The following OPHN1 variants were observed in gnomAD, a reference collection of about 807,000 sequenced individuals.
OPHN1 encodes the protein oligophrenin-1.
A neutral mutation model predicts 60.7 loss-of-function variants in OPHN1; 11 were observed. The ratio of observed to expected loss-of-function variants is 0.18; its 90% confidence interval spans 0.11 to 0.30. OPHN1 has a LOEUF of 0.30. OPHN1 is among the 10% of genes least tolerant of loss of function. OPHN1 has a pLI of 1.00. For missense variants in OPHN1, 449 were observed against 611.0 expected, an observed-to-expected ratio of 0.73 and a Z score of 2.80; for synonymous variants, 226 against 222.6, an observed-to-expected ratio of 1.02 and a Z score of -0.14.
chrX:68,131,458 C>T (rs2147461263), intron 15 of OPHN1, among the ~76,000 whole-genome samples: 1 of 110,705 alleles, frequency 9.0e-6, no homozygotes, highest in East Asian at 2.8e-4. Context: ...TCAAGTGATC[C>T]GCCCACCTCG....
rs886143308 is a variant in OPHN1 at position 68,120,433 on chromosome X, T to A, written c.1277-1101A>T. Among the ~76,000 whole-genome samples, 3 of 111,730 alleles carry A rather than the reference T, an allele frequency of 2.7e-5. No homozygotes were observed. The East Asian group carries it at 8.4e-4, about 31-fold the overall frequency. On this transcript the variant is annotated intron_variant, in intron 15 of 24. Transcript: ENST00000355520. ...AGAAAAAACTTAGGAATAAATTTAG[T>A]CAAGGAAGTGAATAACTGCTATACT... is the stretch of plus-strand genomic sequence containing the variant.
At chrX:68,376,437 A>G (rs1442276802) in intron 2 of OPHN1, among the ~76,000 whole-genome samples, 1 of 111,328 alleles carries the variant, frequency 9.0e-6, no homozygotes, top group Non-Finnish European at 1.9e-5. Context: ...GCATAGAGAG[A>G]TAAATGAGAT....
chrX:68,227,834 C>T (rs1033478963), intron 6 of OPHN1, among the ~76,000 whole-genome samples: 3 of 110,230 alleles, frequency 2.7e-5, no homozygotes, highest in Non-Finnish European at 5.7e-5. Flanking sequence ...CCTAACATCA[C>T]AATTAAAAGA....
intron 15 of OPHN1, among the ~76,000 whole-genome samples, chrX:68,192,041 A>T (rs1319393696): frequency 9.2e-6 from 1 of 108,788 alleles, no homozygotes; most frequent in Non-Finnish European, 1.9e-5. Flanking sequence ...AAGAAACAAA[A>T]ATGTGAGCCA....
Position 68,274,753 on chromosome X carries a change from T to G in OPHN1, c.369A>C (p.Gln123His), listed in dbSNP as rs746334974. The change falls in exon 5 of 25, where the codon CAA becomes CAC. Residue 123 changes from glutamine to histidine, a missense_variant. Transcript: ENST00000355520. ...IKPLENFRKE[Q>H]IGFTKERKKK... ...GAAAATGTACCTTGGTGAAGCCTATTTGTTCCTTCCGGAAATTTTCCAAGG... is the reference window on the plus strand; with the variant it reads ...GAAAATGTACCTTGGTGAAGCCTATGTGTTCCTTCCGGAAATTTTCCAAGG... 4.2e-6 allele frequency: 5 copies of G among 1,200,818 alleles called. No homozygotes were observed. In the South Asian group the frequency reaches 8.8e-5, roughly 21 times the overall value.
chrX:68,043,235 G>T lies in OPHN1; in HGVS notation c.*3937C>A, dbSNP rs1267548739. On this transcript the variant is annotated 3_prime_UTR_variant, in exon 25 of 25. Coordinates refer to ENST00000355520, the MANE Select transcript of OPHN1 (RefSeq NM_002547.3). Reference sequence around the variant, plus strand: ...GGGGACTGTGGTGGGGTCGGGGGAGGGGGGAGGGATAGCACTGGGAGATAT... The same window carrying T: ...GGGGACTGTGGTGGGGTCGGGGGAGTGGGGAGGGATAGCACTGGGAGATAT... 3.1e-5 allele frequency: 2 copies of T among 63,576 alleles called. No individual in the cohort carries two copies. Among genetic ancestry groups the T allele is most frequent in the African/African-American group, 1.2e-4 (2 of 16,197 alleles). 5.2% of individuals were successfully genotyped at this position (63,576 alleles called of 1,213,427 possible).
At chrX:68,215,517 AATAAATACCAATCAGG>A (rs1310292254) in intron 6 of OPHN1, among the ~76,000 whole-genome samples, 1 of 111,512 alleles carries the variant, frequency 9.0e-6, no homozygotes, top group Non-Finnish European at 1.9e-5. Flanking sequence ...AATAAATACT[AATAAATACCAATCAGG>A]ATAAATACCA....
At chrX:68,165,775 A>G (rs1399458352) in intron 15 of OPHN1, among the ~76,000 whole-genome samples, 6 of 112,328 alleles carry the variant, frequency 5.3e-5, no homozygotes, top group Non-Finnish European at 9.4e-5. Context: ...CCATGAAATG[A>G]GGTATGCCAG....
chrX:68,314,449 A>G (rs2078188928), intron 2 of OPHN1, among the ~76,000 whole-genome samples: 1 of 110,857 alleles, frequency 9.0e-6, no homozygotes, highest in Admixed American at 9.7e-5. Context: ...GGAAACCAGG[A>G]GGTGGAAGTT....
chrX:68,384,859 G>A (rs190196571), intron 2 of OPHN1, among the ~76,000 whole-genome samples: 4 of 111,511 alleles, frequency 3.6e-5, no homozygotes, highest in Non-Finnish European at 7.5e-5. Flanking sequence ...ACTAAGCTAC[G>A]AGGATGCAAA....
intron 2 of OPHN1, among the ~76,000 whole-genome samples, chrX:68,318,706 AC>A (rs1441515683): frequency 9.0e-6 from 1 of 111,327 alleles, no homozygotes; most frequent in African/African-American, 3.3e-5. Flanking sequence ...CTTGGTTTTT[AC>A]CTAAGGTCTT....
intron 19 of OPHN1, among the ~76,000 whole-genome samples, chrX:68,089,937 T>A (rs181867035): frequency 8.3e-4 from 93 of 111,965 alleles, no homozygotes; most frequent in African/African-American, 2.8e-3. Context: ...CCAATCTTAA[T>A]AATTCTCTGC....
At chrX:68,213,411 G>GA (rs2077593835) in intron 7 of OPHN1, among the ~76,000 whole-genome samples, 2 of 110,795 alleles carry the variant, frequency 1.8e-5, no homozygotes, top group Non-Finnish European at 3.8e-5. Flanking sequence ...TAAATGGAAT[G>GA]AAAAAACGTG....
At chrX:68,387,685 C>T (rs2078631704) in intron 2 of OPHN1, among the ~76,000 whole-genome samples, 1 of 111,692 alleles carries the variant, frequency 9.0e-6, no homozygotes. Flanking sequence ...TTTACAAACT[C>T]TTAGTGCACA....
Position 68,411,503 on chromosome X carries a change from C to T in OPHN1, c.154+21364G>A, listed in dbSNP as rs750724427. Among the ~76,000 whole-genome samples the T allele has an allele frequency of 3.6e-5, 4 of 111,817 alleles. No individual in the cohort carries two copies. The South Asian group carries it at 1.1e-3, about 32-fold the overall frequency. ...GGTATCTCACTGTGGTTTTGGTTTA[C>T]ATTTCTCTAATAATCAGCGATGCTG... On this transcript the variant is annotated intron_variant, in intron 2 of 24. Coordinates refer to ENST00000355520, the MANE Select transcript of OPHN1 (RefSeq NM_002547.3).
At chrX:68,324,628 A>C (rs1390656661) in intron 2 of OPHN1, among the ~76,000 whole-genome samples, 1 of 107,486 alleles carries the variant, frequency 9.3e-6, no homozygotes, top group Non-Finnish European at 1.9e-5. Flanking sequence ...AAAAAAAAAA[A>C]TCTAAAAATA....
intron 15 of OPHN1, among the ~76,000 whole-genome samples, chrX:68,135,928 G>A (rs903517105): frequency 8.9e-6 from 1 of 111,797 alleles, no homozygotes; most frequent in Non-Finnish European, 1.9e-5. Flanking sequence ...GTTTGAAAAT[G>A]TCTAATAGAA....
At chrX:68,286,123 A>G (rs1425775853) in intron 3 of OPHN1, among the ~76,000 whole-genome samples, 1 of 111,054 alleles carries the variant, frequency 9.0e-6, no homozygotes, top group Non-Finnish European at 1.9e-5. Flanking sequence ...AAAAGTTAAC[A>G]TTCTAAATAG....
At chrX:68,128,666 A>G (rs180754367) in intron 15 of OPHN1, among the ~76,000 whole-genome samples, 69 of 112,196 alleles carry the variant, frequency 6.1e-4, no homozygotes, top group African/African-American at 2.1e-3. Context: ...TAATTAATAG[A>G]TTTAGTATAA....
Sources: allele counts gnomAD v4.1 joint callset (sites outside exome capture counted in the v4.1 genomes callset), GRCh38; gene constraint gnomAD v4.1.1; transcripts MANE v1.5; gene names NCBI Gene and HGNC (gene_info 2026-07-23, HGNC 2026-07-21).